THSD7B: variants seen among roughly 807,000 people sequenced by gnomAD.
THSD7B encodes thrombospondin type 1 domain containing 7B.
In THSD7B, 138 loss-of-function variants were observed where a neutral mutation model predicts 213.6. The observed-to-expected ratio is 0.65, with a 90% CI of 0.56 to 0.74. The LOEUF is 0.74. Among genes scored for constraint, THSD7B ranks in the 30% least tolerant of loss-of-function variants. The pLI, the probability that THSD7B is intolerant of heterozygous loss-of-function variation, is 0.00. For missense variants in THSD7B, 1,931 were observed against 1,991.5 expected, an observed-to-expected ratio of 0.97 and a Z score of 0.58; for synonymous variants, 742 against 687.0, an observed-to-expected ratio of 1.08 and a Z score of -1.25.
At chr2:137,493,693 A>C (rs183004929) in intron 15 of THSD7B, among the ~76,000 whole-genome samples, 9 of 152,362 alleles carry the variant, frequency 5.9e-5, no homozygotes, top group African/African-American at 1.7e-4. Flanking sequence ...ACAACCTTTA[A>C]GTCTGCAGTC....
chr2:137,149,414 C>G (rs1679770092), intron 5 of THSD7B, among the ~76,000 whole-genome samples: 1 of 152,186 alleles, frequency 6.6e-6, no homozygotes, highest in Non-Finnish European at 1.5e-5. Context: ...AAGAGGGCCA[C>G]TGTTCTCCAG....
At chr2:137,353,302 C>T (rs1685054645) in intron 12 of THSD7B, among the ~76,000 whole-genome samples, 2 of 152,030 alleles carry the variant, frequency 1.3e-5, no homozygotes, top group South Asian at 4.1e-4. Flanking sequence ...CAAGATGTGT[C>T]AGTTACCAGT....
chr2:137,601,131 TA>T (rs939761063), intron 17 of THSD7B, among the ~76,000 whole-genome samples: 1 of 152,144 alleles, frequency 6.6e-6, no homozygotes, highest in Non-Finnish European at 1.5e-5. Context: ...GTTTATAAAA[TA>T]AAAAAGTTAC....
chr2:137,261,915 C>CAAAATAAAAAAAAAA (rs1682460378), intron 10 of THSD7B, among the ~76,000 whole-genome samples: 1 of 54,862 alleles, frequency 1.8e-5, no homozygotes, highest in East Asian at 5.8e-4. Flanking sequence ...GAAAGTTTGT[C>CAAAATAAAAAAAAAA]AAAAAAAAAA....
chr2:137,276,062 A>G, intron 12 of THSD7B, 36 bp downstream of exon 12: 1 of 1,475,782 alleles, frequency 6.8e-7, no homozygotes, highest in Non-Finnish European at 9.3e-7. Flanking sequence ...TTTTATTAAT[A>G]CGTAAGTTAA....
intron 20 of THSD7B, among the ~76,000 whole-genome samples, chr2:137,629,509 C>A (rs527946297): frequency 6.6e-6 from 1 of 152,266 alleles, no homozygotes; most frequent in Non-Finnish European, 1.5e-5. Context: ...TGTCTACAAA[C>A]AACAAAAACC....
At position 137,059,114 on chromosome 2, in the gene THSD7B, GTCTTCTTGTCTTAAAGATGGCCATCT is replaced by G. The variant is rs556686516; in HGVS notation, c.950+1889_950+1914del. On this transcript the variant is annotated intron_variant, in intron 3 of 27. Coordinates refer to ENST00000409968, the MANE Select transcript of THSD7B (RefSeq NM_001316349.2). ...CTTGATTTAGTTCGTGATGAAGGTT[GTCTTCTTGTCTTAAAGATGGCCATCT>G]TCTTGCTGTGTCCTCACATGGTGGG... Among the ~76,000 whole-genome samples, 139 of 152,240 alleles carry G rather than the reference GTCTTCTTGTCTTAAAGATGGCCATCT, an allele frequency of 9.1e-4. 1 individual carries two copies. Among genetic ancestry groups the G allele is most frequent in the African/African-American group, 3.2e-3 (131 of 41,556 alleles).
At chr2:137,024,427 G>A (rs1686507574) in intron 2 of THSD7B, among the ~76,000 whole-genome samples, 2 of 152,072 alleles carry the variant, frequency 1.3e-5, no homozygotes, top group South Asian at 4.1e-4. Context: ...GCTTCGCTGA[G>A]GATAGTACGT....
At chr2:137,211,331 T>TACACACACACACACACACAC (rs1224147467) in intron 7 of THSD7B, among the ~76,000 whole-genome samples, 1 of 6,276 alleles carries the variant, frequency 1.6e-4, no homozygotes, top group Non-Finnish European at 5.5e-4. Context: ...CTATCCTTCC[T>TACACACACACACACACACAC]ACACACACAC....
Position 137,404,462 on chromosome 2 carries a change from TATATATATATATACAC to T in THSD7B, c.2501-1149_2501-1134del, listed in dbSNP as rs1283390236. 8.1e-4 allele frequency among the ~76,000 whole-genome samples: 66 copies of T among 81,902 alleles called. No homozygotes were observed. The East Asian group carries it at 0.021, about 26-fold the overall frequency. 53.7% of individuals were successfully genotyped at this position (81,902 alleles called of 152,430 possible). ...ATATATATATATATATATATATATA[TATATATATATATACAC>T]ACACACACACACACACACACACACA... On this transcript the variant is annotated intron_variant, in intron 12 of 27. Coordinates refer to ENST00000409968, the MANE Select transcript of THSD7B (RefSeq NM_001316349.2).
chr2:137,393,574 G>A (rs906501963), intron 12 of THSD7B, among the ~76,000 whole-genome samples: 7 of 147,704 alleles, frequency 4.7e-5, no homozygotes, highest in African/African-American at 7.5e-5. Context: ...TGGACATTTG[G>A]GTTGGTTCCA....
intron 13 of THSD7B, among the ~76,000 whole-genome samples, chr2:137,409,917 G>A (rs920997681): frequency 6.6e-6 from 1 of 152,140 alleles, no homozygotes; most frequent in Non-Finnish European, 1.5e-5. Flanking sequence ...TCTTGTTTTT[G>A]TTGTTGTTTG....
intron 12 of THSD7B, among the ~76,000 whole-genome samples, chr2:137,367,668 T>C (rs1256712878): frequency 1.3e-5 from 2 of 152,118 alleles, no homozygotes; most frequent in Non-Finnish European, 2.9e-5. Context: ...GAAATTTATT[T>C]TCTCACAGTT....
chr2:137,335,156 A>G (rs747495662), intron 12 of THSD7B, among the ~76,000 whole-genome samples: 4 of 152,218 alleles, frequency 2.6e-5, no homozygotes, highest in Non-Finnish European at 5.9e-5. Flanking sequence ...TTCTATGGGA[A>G]AATGTAGTAG....
intron 2 of THSD7B, among the ~76,000 whole-genome samples, chr2:136,892,397 AT>A (rs1177883687): frequency 1.3e-5 from 2 of 152,156 alleles, no homozygotes; most frequent in African/African-American, 4.8e-5. Context: ...CTGGGCTGTT[AT>A]GTAAGAAGGG....
At chr2:136,980,924 C>T (rs935899815) in intron 2 of THSD7B, among the ~76,000 whole-genome samples, 2 of 152,088 alleles carry the variant, frequency 1.3e-5, no homozygotes, top group African/African-American at 2.4e-5. Flanking sequence ...TGCTTTTCCT[C>T]GCTCTCTGGG....
chr2:137,014,546 A>G (rs183082334), intron 2 of THSD7B, among the ~76,000 whole-genome samples: 2 of 152,278 alleles, frequency 1.3e-5, no homozygotes, highest in East Asian at 3.9e-4. Context: ...CTGTGTCTTG[A>G]TGTTTTCAAC....
At chr2:137,178,056 C>T (rs1680390935) in intron 7 of THSD7B, among the ~76,000 whole-genome samples, 1 of 128,218 alleles carries the variant, frequency 7.8e-6, no homozygotes. Flanking sequence ...GGTGACAAAG[C>T]TAAACTCCGT....
intron 15 of THSD7B, among the ~76,000 whole-genome samples, chr2:137,530,208 C>A (rs1032161029): frequency 1.4e-4 from 21 of 151,948 alleles, no homozygotes; most frequent in African/African-American, 4.6e-4. Context: ...TCTAGGGATC[C>A]AACATGAGTA....
Sources: allele counts gnomAD v4.1 joint callset (sites outside exome capture counted in the v4.1 genomes callset), GRCh38; gene constraint gnomAD v4.1.1; transcripts MANE v1.5; gene names NCBI Gene and HGNC (gene_info 2026-07-23, HGNC 2026-07-21).